Variants in XAGE5 observed in about 807,000 individuals in gnomAD.
XAGE5 encodes the protein G antigen, family D, 5.
Under a neutral mutation model 13.1 loss-of-function variants are expected in XAGE5, and 13 were observed. The observed-to-expected ratio is 0.99, with a 90% CI of 0.64 to 1.57. The LOEUF (loss-of-function observed/expected upper bound fraction) is 1.57, where lower values mean the gene tolerates loss of function less well. XAGE5 is among the 40% of genes most tolerant of loss of function. The probability of loss-of-function intolerance (pLI) is 0.00; values close to 1 mark genes in which losing one functional copy is unlikely to be tolerated. For synonymous variants in XAGE5, 17 were observed against 25.0 expected (o/e 0.68, Z 0.96); for missense variants, 86 against 77.6 (o/e 1.11, Z -0.41).
Position 52,814,768 on chromosome X carries a change from T to A in XAGE5, c.179-324T>A, listed in dbSNP as rs782145099. ...AGTGTCAGGACCATAAGATTTGTCA[T>A]AAGCTCACCAATACATTGATCTAAT... On this transcript the variant is annotated intron_variant, in intron 4 of 5. Coordinates refer to ENST00000375501, the MANE Select transcript of XAGE5 (RefSeq NM_001386970.1). 5.9e-4 allele frequency: 117 copies of A among 198,133 alleles called. 2 individuals carry two copies. Among genetic ancestry groups the A allele is most frequent in the Middle Eastern group, 1.7e-3 (1 of 585 alleles). The allele number at this position is 198,133 out of a possible 1,213,427, so 16.3% of individuals were successfully genotyped here. A position where few individuals can be genotyped will look rare whatever the true frequency, so the allele number is the denominator to read the frequency against.
At chrX:52,813,050 TA>T in intron 3 of XAGE5, 89 bp from the exon 4 acceptor site, 1 of 655,526 alleles carries the variant, frequency 1.5e-6, no homozygotes, top group Non-Finnish European at 2.5e-6. Flanking sequence ...AGTATCTGTG[TA>T]ATCTGTATAT....
intron 5 of XAGE5, among the ~76,000 whole-genome samples, chrX:52,817,484 A>G (rs4543711): frequency 0.095 from 10,556 of 111,614 alleles, 486 homozygotes; most frequent in Non-Finnish European, 0.14. Context: ...ACAAACGGGA[A>G]TAGTTTCCAG....
chrX:52,813,836 C>G (rs1316848379), intron 4 of XAGE5, among the ~76,000 whole-genome samples: 1 of 111,143 alleles, frequency 9.0e-6, no homozygotes, highest in Non-Finnish European at 1.9e-5. Flanking sequence ...AATCCTGTCT[C>G]TACTAAAAAT....
chrX:52,814,937 T>C (rs1222430894), intron 4 of XAGE5, 155 bp from the exon 5 acceptor site: 2 of 584,802 alleles, frequency 3.4e-6, no homozygotes, highest in Admixed American at 7.8e-5. Context: ...CAGATTGTCA[T>C]TTAAGATAAG....
intron 5 of XAGE5, 49 bp downstream of exon 5, chrX:52,815,266 A>G (rs1271591990): frequency 2.7e-6 from 3 of 1,126,711 alleles, no homozygotes; most frequent in Non-Finnish European, 2.4e-6. Context: ...GTATTACACA[A>G]TATTATACTT....
At chrX:52,813,280 G>A in intron 4 of XAGE5, 35 bp downstream of exon 4, 3 of 1,153,777 alleles carry the variant, frequency 2.6e-6, no homozygotes, top group South Asian at 3.6e-5. Flanking sequence ...GTCTATGGGG[G>A]GAGGAGGCCT....
chrX:52,813,328 G>A (rs1926841511), intron 4 of XAGE5, 83 bp downstream of exon 4: 1 of 927,671 alleles, frequency 1.1e-6, no homozygotes, highest in South Asian at 2.2e-5. Flanking sequence ...CCAGTAACAG[G>A]AGGAAAGAAA....
At chrX:52,817,008 ATCGT>A (rs1346025285) in intron 5 of XAGE5, among the ~76,000 whole-genome samples, 1 of 112,165 alleles carries the variant, frequency 8.9e-6, no homozygotes, top group Non-Finnish European at 1.9e-5. Flanking sequence ...CATTTAATAG[ATCGT>A]TCTTTTGAGA....
intron 4 of XAGE5, 50 bp from the exon 5 acceptor site, chrX:52,815,042 T>A (rs1190819266): frequency 1.8e-5 from 21 of 1,199,185 alleles, no homozygotes; most frequent in Non-Finnish European, 2.3e-5. Flanking sequence ...CATCTCCTTA[T>A]TTATCATTCT....
In XAGE5 at chrX:52,811,665, C is replaced by A. The variant is rs1015884292; in HGVS notation, c.-63C>A. Among the ~76,000 whole-genome samples the A allele has an allele frequency of 9.1e-6, 1 of 110,491 alleles. No homozygotes were observed. The highest frequency in any genetic ancestry group is 3.3e-5 in the African/African-American group (1 of 30,289). On this transcript the variant is annotated 5_prime_UTR_variant, in exon 2 of 6. Transcript: ENST00000375501. ...TCCCAGAAACGCCTGGAACTCCCAA[C>A]AGAGGACAAATTCCAGACTCCTCAA...
At chrX:52,811,871 G>A (rs1330439049) in intron 2 of XAGE5, among the ~76,000 whole-genome samples, 152 bp downstream of exon 2, 1 of 111,202 alleles carries the variant, frequency 9.0e-6, no homozygotes, top group Non-Finnish European at 1.9e-5. Context: ...CGAATGGGTG[G>A]AAGGGGCTAT....
At chrX:52,814,234 G>A (rs1926860302) in intron 4 of XAGE5, 1 of 328,815 alleles carries the variant, frequency 3.0e-6, no homozygotes, top group Non-Finnish European at 5.9e-6. Flanking sequence ...AGTGAAACAG[G>A]ATAGCAACTC....
intron 4 of XAGE5, chrX:52,814,768 TA>T (rs1926872195): frequency 5.0e-6 from 1 of 198,133 alleles, no homozygotes; most frequent in African/African-American, 3.0e-5. Context: ...AGATTTGTCA[TA>T]AGCTCACCAA....
At chrX:52,812,442 T>G in intron 2 of XAGE5, 117 bp from the exon 3 acceptor site, 2 of 556,575 alleles carry the variant, frequency 3.6e-6, no homozygotes, top group Non-Finnish European at 2.9e-6. Flanking sequence ...CCAGCTACGT[T>G]TTTGTATTTT....
Position 52,817,744 on chromosome X carries a change from G to C in XAGE5, c.305-447G>C, listed in dbSNP as rs1556778227. On this transcript the variant is annotated intron_variant, in intron 5 of 5. Coordinates refer to ENST00000375501, the MANE Select transcript of XAGE5 (RefSeq NM_001386970.1). ...TCAGACTATTTGTAGGAACCTATTG[G>C]ACATTCAGACCATACTCTCAAGCCA... 2.7e-5 allele frequency among the ~76,000 whole-genome samples: 3 copies of C among 111,929 alleles called. No homozygotes were observed. In the Admixed American group the frequency reaches 2.8e-4, roughly 11 times the overall value.
chrX:52,811,359 C>T lies in XAGE5; in HGVS notation c.-234C>T, dbSNP rs996578912. ...TCCCTGAGGTCTGGATTCTTTCTCC[C>T]CTACTGAGACGCAGCCAGTAGGTCC... On this transcript the variant is annotated 5_prime_UTR_variant, in exon 1 of 6. Coordinates refer to ENST00000375501, the MANE Select transcript of XAGE5 (RefSeq NM_001386970.1). Among the ~76,000 whole-genome samples the T allele has an allele frequency of 8.9e-6, 1 of 111,760 alleles. No individual in the cohort carries two copies. Among genetic ancestry groups the T allele is most frequent in the Non-Finnish European group, 1.9e-5 (1 of 53,079 alleles).
intron 4 of XAGE5, chrX:52,814,216 C>T (rs1556777779): frequency 2.1e-5 from 7 of 330,354 alleles, no homozygotes; most frequent in Admixed American, 1.2e-4. Flanking sequence ...CAGGACAAAA[C>T]GCAGTTCAGT....
chrX:52,814,976 A>G, intron 4 of XAGE5, 116 bp from the exon 5 acceptor site: 2 of 857,042 alleles, frequency 2.3e-6, no homozygotes, highest in Non-Finnish European at 3.3e-6. Context: ...ACAAACATTT[A>G]TTACCACAGT....
Position 52,811,551 on chromosome X carries a change from T to C in XAGE5, c.-177T>C, listed in dbSNP as rs1053728377. On this transcript the variant is annotated 5_prime_UTR_variant, in exon 2 of 6. Transcript: ENST00000375501. ...TATGGGCCTTCTTGTCTTGTAGGGG[T>C]CAGGACGAAGGAAGAAGGAGGGCTT... is the stretch of plus-strand genomic sequence containing the variant. Among the ~76,000 whole-genome samples the C allele has an allele frequency of 5.5e-5, 6 of 110,032 alleles. No individual in the cohort carries two copies. Among genetic ancestry groups the C allele is most frequent in the Admixed American group, 9.7e-5 (1 of 10,319 alleles).
Sources: gnomAD v4.1 joint callset for allele counts (sites outside exome capture counted in the v4.1 genomes callset) on GRCh38, gnomAD v4.1.1 for gene constraint, MANE v1.5 for transcripts, NCBI Gene and HGNC (gene_info 2026-07-23, HGNC 2026-07-21) for gene names.